The following DENND5A variants were observed in gnomAD, a reference collection of about 807,000 sequenced individuals.
DENND5A encodes the protein DENN domain containing 5A, also known as DENN domain-containing protein 5A.
A neutral mutation model predicts 140.3 loss-of-function variants in DENND5A; 64 were observed. That is an observed-to-expected ratio of 0.46 (90% CI 0.37 to 0.56). The LOEUF is 0.56. Among genes scored for constraint, DENND5A ranks in the 20% least tolerant of loss-of-function variants. The probability of loss-of-function intolerance (pLI) is 0.00; values close to 1 mark genes in which losing one functional copy is unlikely to be tolerated. For synonymous variants in DENND5A, 605 were observed against 607.7 expected, an observed-to-expected ratio of 1.00 and a Z score of 0.07; for missense variants, 1,292 against 1,593.8, an observed-to-expected ratio of 0.81 and a Z score of 3.22.
rs181046601 is a variant in DENND5A at position 9,240,310 on chromosome 11, G to A, written c.109+24651C>T. On this transcript the variant is annotated intron_variant, in intron 1 of 22. Coordinates refer to ENST00000328194, the MANE Select transcript of DENND5A (RefSeq NM_015213.4). ...TCGTTGAGGCTGAGGCTGGAGAATC[G>A]CTTGAACCCGGGAGGTGGAGGTTGC... Among the ~76,000 whole-genome samples the A allele has an allele frequency of 2.2e-3, 338 of 152,188 alleles. 2 individuals carry two copies. Among genetic ancestry groups the A allele is most frequent in the African/African-American group, 7.8e-3 (322 of 41,504 alleles).
intron 5 of DENND5A, among the ~76,000 whole-genome samples, chr11:9,183,236 T>A (rs1848794034): frequency 6.6e-6 from 1 of 152,170 alleles, no homozygotes; most frequent in Middle Eastern, 3.2e-3. Context: ...TGCTTAAGGG[T>A]GCTTCTGTTC....
chr11:9,149,029 A>G (rs1453110782), intron 15 of DENND5A, among the ~76,000 whole-genome samples: 1 of 152,248 alleles, frequency 6.6e-6, no homozygotes. Flanking sequence ...AGCCACATAA[A>G]GTGAGTTTCA....
intron 11 of DENND5A, among the ~76,000 whole-genome samples, chr11:9,163,293 C>A (rs147518248): frequency 6.6e-6 from 1 of 152,278 alleles, no homozygotes; most frequent in African/African-American, 2.4e-5. Flanking sequence ...ATGCTGTTTT[C>A]CAAAATCATC....
intron 12 of DENND5A, among the ~76,000 whole-genome samples, chr11:9,154,666 A>T (rs1325040460): frequency 6.6e-6 from 1 of 152,082 alleles, no homozygotes; most frequent in South Asian, 2.1e-4. Context: ...GACAATTTTT[A>T]AAATATATAA....
chr11:9,144,080 C>A lies in DENND5A; in HGVS notation c.3304+17G>T, dbSNP rs1354541346. The A allele has an allele frequency of 6.2e-7, 1 of 1,609,272 alleles. No homozygotes were observed. The highest frequency in any genetic ancestry group is 8.5e-7 in the Non-Finnish European group (1 of 1,177,690). On this transcript the variant is annotated intron_variant, in intron 19 of 22. Coordinates refer to ENST00000328194, the MANE Select transcript of DENND5A (RefSeq NM_015213.4). ...TAGACTGTATGGCATGAGGGCCCAA[C>A]CCCTCCTCCCACTTACTGGGCTTGT...
intron 15 of DENND5A, 101 bp from the exon 16 acceptor site, chr11:9,147,252 G>T: frequency 7.7e-7 from 1 of 1,305,596 alleles, no homozygotes; most frequent in Non-Finnish European, 1.1e-6. Flanking sequence ...AGCATAAGAT[G>T]TCAAGCTTCA....
At chr11:9,200,083 A>T (rs1384797184) in intron 4 of DENND5A, among the ~76,000 whole-genome samples, 1 of 152,236 alleles carries the variant, frequency 6.6e-6, no homozygotes, top group African/African-American at 2.4e-5. Flanking sequence ...TATTATGGAT[A>T]CAGTAACCCA....
At chr11:9,258,086 C>A (rs942801199) in intron 1 of DENND5A, among the ~76,000 whole-genome samples, 1 of 152,158 alleles carries the variant, frequency 6.6e-6, no homozygotes, top group African/African-American at 2.4e-5. Flanking sequence ...AGCCACCGTA[C>A]CCGGTCTACA....
At chr11:9,235,303 A>G (rs1342950073) in intron 1 of DENND5A, among the ~76,000 whole-genome samples, 4 of 152,154 alleles carry the variant, frequency 2.6e-5, no homozygotes, top group Non-Finnish European at 5.9e-5. Context: ...ATAATACAAT[A>G]TTATTCAGCC....
At chr11:9,197,211 A>C (rs1381224105) in intron 4 of DENND5A, among the ~76,000 whole-genome samples, 3 of 151,658 alleles carry the variant, frequency 2.0e-5, no homozygotes, top group Non-Finnish European at 4.4e-5. Flanking sequence ...AGGCTGAGGC[A>C]GAAGAATCGT....
chr11:9,167,370 A>G (rs1307802638), intron 10 of DENND5A, among the ~76,000 whole-genome samples: 1 of 151,276 alleles, frequency 6.6e-6, no homozygotes, highest in East Asian at 1.9e-4. Flanking sequence ...CTCCTCCAAA[A>G]TATTCTGCCC....
chr11:9,200,378 C>T (rs1377951797), intron 4 of DENND5A, among the ~76,000 whole-genome samples: 1 of 152,196 alleles, frequency 6.6e-6, no homozygotes, highest in Non-Finnish European at 1.5e-5. Flanking sequence ...GTCTATATTT[C>T]ACCCAGAGAG....
At chr11:9,224,102 G>A (rs1450669087) in intron 1 of DENND5A, among the ~76,000 whole-genome samples, 1 of 152,212 alleles carries the variant, frequency 6.6e-6, no homozygotes, top group Non-Finnish European at 1.5e-5. Context: ...GCTGAGGCAG[G>A]AGAATCGCTT....
intron 1 of DENND5A, among the ~76,000 whole-genome samples, chr11:9,257,958 A>G (rs545389815): frequency 1.3e-5 from 2 of 151,154 alleles, no homozygotes; most frequent in African/African-American, 4.9e-5. Flanking sequence ...AGGCCCGGCT[A>G]ATTTTTGTAT....
At chr11:9,238,620 T>A (rs535543569) in intron 1 of DENND5A, among the ~76,000 whole-genome samples, 237 of 152,010 alleles carry the variant, frequency 1.6e-3, no homozygotes, top group African/African-American at 4.8e-3. Context: ...TTCACCATGT[T>A]AGCCAGGATG....
At chr11:9,176,668 G>C (rs1239757650) in intron 8 of DENND5A, 1 of 258,696 alleles carries the variant, frequency 3.9e-6, no homozygotes, top group African/African-American at 2.3e-5. Flanking sequence ...CACAGGAACA[G>C]AGAAGAAGAA....
chr11:9,141,212 A>C (rs980625698), intron 22 of DENND5A, among the ~76,000 whole-genome samples: 1 of 152,234 alleles, frequency 6.6e-6, no homozygotes, highest in Non-Finnish European at 1.5e-5. Context: ...AAGGCCATTT[A>C]AATGTCTAAT....
chr11:9,149,057 C>T (rs139107333), intron 15 of DENND5A, among the ~76,000 whole-genome samples: 2 of 152,348 alleles, frequency 1.3e-5, no homozygotes, highest in Non-Finnish European at 2.9e-5. Flanking sequence ...GGGGGCACTA[C>T]ATGGTATTAG....
intron 5 of DENND5A, 101 bp downstream of exon 5, chr11:9,193,393 G>A (rs1388308793): frequency 4.3e-6 from 4 of 932,506 alleles, no homozygotes; most frequent in Non-Finnish European, 6.0e-6. Flanking sequence ...CAAAATAGAA[G>A]AAAATAAACT....
Sources: gnomAD v4.1 joint callset for allele counts (sites outside exome capture counted in the v4.1 genomes callset) on GRCh38, gnomAD v4.1.1 for gene constraint, MANE v1.5 for transcripts, NCBI Gene and HGNC (gene_info 2026-07-23, HGNC 2026-07-21) for gene names.